Variants in MTA3 observed in about 807,000 individuals in gnomAD.
MTA3 encodes metastasis associated 1 family member 3, also known as metastasis-associated protein MTA3.
MTA3 carries 34 observed loss-of-function variants against 83.5 expected under a neutral mutation model. The ratio of observed to expected loss-of-function variants is 0.41; its 90% CI spans 0.31 to 0.54. The LOEUF (loss-of-function observed/expected upper bound fraction) is 0.54, where lower values mean the gene tolerates loss of function less well. MTA3 is among the 20% of genes least tolerant of loss of function. The probability of loss-of-function intolerance (pLI) is 0.33; values close to 1 mark genes in which losing one functional copy is unlikely to be tolerated. For missense variants in MTA3, 761 were observed against 726.4 expected (o/e 1.05, Z -0.55); for synonymous variants, 303 against 252.7 (o/e 1.20, Z -1.89).
chr2:42,717,184 C>T (rs375757946), intron 14 of MTA3, among the ~76,000 whole-genome samples: 6 of 97,266 alleles, frequency 6.2e-5, no homozygotes, highest in African/African-American at 2.4e-4. Context: ...AAAAACCTAA[C>T]TTTTATTTAA....
chr2:42,658,997 C>T (rs1413067724), intron 7 of MTA3, among the ~76,000 whole-genome samples: 2 of 150,676 alleles, frequency 1.3e-5, no homozygotes, highest in African/African-American at 4.9e-5. Context: ...ACTTGGGAAG[C>T]TGAGGTGGGA....
intron 8 of MTA3, among the ~76,000 whole-genome samples, chr2:42,673,790 G>A (rs1300800559): frequency 6.6e-6 from 1 of 152,180 alleles, no homozygotes; most frequent in Non-Finnish European, 1.5e-5. Context: ...TTGGATGCAG[G>A]TTGCTCCAGG....
chr2:42,542,758 T>C (rs1676580814), intron 2 of MTA3, among the ~76,000 whole-genome samples: 1 of 152,026 alleles, frequency 6.6e-6, no homozygotes, highest in Non-Finnish European at 1.5e-5. Flanking sequence ...GGCTTCACCA[T>C]GTTGGCCAGG....
intron 3 of MTA3, among the ~76,000 whole-genome samples, chr2:42,588,858 G>C (rs989477910): frequency 6.6e-6 from 1 of 152,042 alleles, no homozygotes; most frequent in Middle Eastern, 3.2e-3. Flanking sequence ...TACATATAAA[G>C]AGATTTTTTT....
chr2:42,682,838 C>G (rs1002122061), intron 9 of MTA3: 2 of 382,362 alleles, frequency 5.2e-6, no homozygotes, highest in East Asian at 9.4e-5. Context: ...TTTGGGAGGC[C>G]GAGGTGGGTG....
At chr2:42,553,597 T>A (rs1158773800) in intron 2 of MTA3, among the ~76,000 whole-genome samples, 4 of 149,922 alleles carry the variant, frequency 2.7e-5, no homozygotes, top group Admixed American at 2.7e-4. Context: ...TAACCGAGTA[T>A]GGTGGCGCAT....
intron 2 of MTA3, among the ~76,000 whole-genome samples, chr2:42,556,091 A>AC (rs1295063437): frequency 2.4e-4 from 36 of 150,218 alleles, no homozygotes; most frequent in African/African-American, 8.9e-4. Flanking sequence ...AAGCAAACAA[A>AC]CAAAAAAAAA....
chr2:42,514,682 C>CTTTTTTTTTTTTTTTTTTTTTTTTT lies in MTA3; in HGVS notation c.-141+19429_-141+19453dup, dbSNP rs767598363. The stretch of plus-strand genomic sequence containing the variant: ...GATTACAGGCATGAGCGCCCAGCCC[C>CTTTTTTTTTTTTTTTTTTTTTTTTT]TTTTTTTTTTTTTTTTTTTTTTTTT... On this transcript the variant is annotated intron_variant, in intron 2 of 17. Transcript: ENST00000405592. Among the ~76,000 whole-genome samples the CTTTTTTTTTTTTTTTTTTTTTTTTT allele has an allele frequency of 4.3e-4, 23 of 53,486 alleles. 8 individuals carry two copies. The highest frequency in any genetic ancestry group is 1.0e-3 in the Admixed American group (3 of 2,972). The allele number at this position is 53,486 out of a possible 152,430, so 35.1% of individuals were successfully genotyped here.
At chr2:42,512,296 G>T (rs1473001736) in intron 2 of MTA3, among the ~76,000 whole-genome samples, 1 of 152,112 alleles carries the variant, frequency 6.6e-6, no homozygotes, top group Non-Finnish European at 1.5e-5. Flanking sequence ...AGCCAAAAAT[G>T]ATGAGAGATG....
intron 14 of MTA3, 38 bp downstream of exon 14, chr2:42,709,134 C>A: frequency 6.5e-7 from 1 of 1,532,132 alleles, no homozygotes; most frequent in Non-Finnish European, 8.8e-7. Flanking sequence ...ATATGTTGTG[C>A]TTCTGACCAT....
chr2:42,649,071 C>T (rs1688466773), intron 6 of MTA3, among the ~76,000 whole-genome samples: 1 of 152,140 alleles, frequency 6.6e-6, no homozygotes. Flanking sequence ...TTACAGTCTT[C>T]TCCCCCTGGC....
chr2:42,739,599 C>A (rs1272660918), intron 16 of MTA3, among the ~76,000 whole-genome samples: 1 of 152,134 alleles, frequency 6.6e-6, no homozygotes, highest in Non-Finnish European at 1.5e-5. Flanking sequence ...TAAAGTAAGA[C>A]CACATTGACA....
chr2:42,498,216 G>A (rs137989664), intron 2 of MTA3, among the ~76,000 whole-genome samples: 51 of 152,182 alleles, frequency 3.4e-4, no homozygotes, highest in African/African-American at 1.2e-3. Flanking sequence ...AGCCTCTGCC[G>A]AATCAGTTGG....
intron 16 of MTA3, among the ~76,000 whole-genome samples, chr2:42,745,898 C>T (rs1669378614): frequency 1.4e-5 from 2 of 143,894 alleles, no homozygotes; most frequent in Admixed American, 1.5e-4. Context: ...GCTGCAACCT[C>T]TGACTCCCTG....
intron 3 of MTA3, among the ~76,000 whole-genome samples, chr2:42,606,342 A>G (rs1304779993): frequency 7.2e-6 from 1 of 138,638 alleles, no homozygotes; most frequent in Non-Finnish European, 1.5e-5. Context: ...CACCTCTCAG[A>G]CGGGGCAGCT....
intron 3 of MTA3, among the ~76,000 whole-genome samples, chr2:42,589,002 A>T (rs939529173): frequency 5.9e-5 from 9 of 152,106 alleles, no homozygotes; most frequent in Non-Finnish European, 1.0e-4. Flanking sequence ...TACTGATTGG[A>T]TGAGGCCCAC....
intron 16 of MTA3, among the ~76,000 whole-genome samples, chr2:42,733,265 A>T (rs1029766234): frequency 3.9e-5 from 6 of 152,328 alleles, no homozygotes; most frequent in East Asian, 1.9e-4. Flanking sequence ...TGAAAGGCAC[A>T]TCTTACATGG....
At chr2:42,528,996 G>A (rs758730191) in intron 2 of MTA3, among the ~76,000 whole-genome samples, 1 of 152,206 alleles carries the variant, frequency 6.6e-6, no homozygotes, top group African/African-American at 2.4e-5. Context: ...TGGTACTGGA[G>A]TAGTTTGTAG....
Position 42,538,630 on chromosome 2 carries a change from C to A in MTA3, c.-140-31807C>A, listed in dbSNP as rs1394682411. Among the ~76,000 whole-genome samples the A allele has an allele frequency of 2.7e-5, 4 of 149,648 alleles. No individual in the cohort carries two copies. In the East Asian group the frequency reaches 7.9e-4, roughly 30 times the overall value. On this transcript the variant is annotated intron_variant, in intron 2 of 17. Transcript: ENST00000405592. Reference sequence around the variant, plus strand: ...GGCTGATGCAGGAGACTCACTTGAACCTGGGAGATGGAGATTGCAGTGAGC... The same window carrying A: ...GGCTGATGCAGGAGACTCACTTGAAACTGGGAGATGGAGATTGCAGTGAGC...
Sources: allele counts gnomAD v4.1 joint callset (sites outside exome capture counted in the v4.1 genomes callset), GRCh38; gene constraint gnomAD v4.1.1; transcripts MANE v1.5; gene names NCBI Gene and HGNC (gene_info 2026-07-23, HGNC 2026-07-21).